Variants in CNST observed in about 807,000 individuals in gnomAD.
CNST encodes the protein consortin.
Under a neutral mutation model 72.4 loss-of-function variants are expected in CNST, and 39 were observed. That is an observed-to-expected ratio of 0.54 (90% CI 0.42 to 0.70). CNST has a LOEUF of 0.70. Ranked by LOEUF, CNST falls within the 30% of genes least tolerant of loss-of-function variation. The probability of loss-of-function intolerance (pLI) is 0.00; values close to 1 mark genes in which losing one functional copy is unlikely to be tolerated. For missense variants in CNST, 871 were observed against 868.5 expected, an observed-to-expected ratio of 1.00 and a Z score of -0.04; for synonymous variants, 332 against 320.1, an observed-to-expected ratio of 1.04 and a Z score of -0.40.
chr1:246,637,591 A>G (rs1420485480), intron 6 of CNST, among the ~76,000 whole-genome samples: 1 of 152,192 alleles, frequency 6.6e-6, no homozygotes, highest in Non-Finnish European at 1.5e-5. Context: ...TTTCTCATCC[A>G]CGACTGGTGG....
intron 1 of CNST, chr1:246,570,029 A>G (rs1572102244): frequency 4.6e-6 from 2 of 435,922 alleles, no homozygotes; most frequent in Non-Finnish European, 6.1e-6. Context: ...TCTTTATATC[A>G]TGGTGTTTCT....
At chr1:246,629,474 C>A (rs910719579) in intron 3 of CNST, among the ~76,000 whole-genome samples, 1 of 152,152 alleles carries the variant, frequency 6.6e-6, no homozygotes, top group African/African-American at 2.4e-5. Flanking sequence ...GCTACAGAAG[C>A]CTGCAAGCTA....
At chr1:246,658,279 A>C (rs998730403) in intron 9 of CNST, among the ~76,000 whole-genome samples, 1 of 151,912 alleles carries the variant, frequency 6.6e-6, no homozygotes, top group African/African-American at 2.4e-5. Flanking sequence ...TTTCCCTCTC[A>C]GTGTCAGCAA....
At chr1:246,638,399 C>T (rs945375614) in intron 6 of CNST, among the ~76,000 whole-genome samples, 55 of 152,252 alleles carry the variant, frequency 3.6e-4, no homozygotes, top group African/African-American at 9.6e-4. Flanking sequence ...CAATGAATGA[C>T]GGCAGCTTTC....
chr1:246,668,279 TTCC>T lies in CNST; in HGVS notation c.*2376_*2378del, dbSNP rs1288504780. 1.3e-5 allele frequency: 2 copies of T among 152,230 alleles called. No homozygotes were observed. The highest frequency in any genetic ancestry group is 2.9e-5 in the Non-Finnish European group (2 of 68,040). 9.4% of individuals were successfully genotyped at this position (152,230 alleles called of 1,614,324 possible). A position where few individuals can be genotyped will look rare whatever the true frequency, so the allele number is the denominator to read the frequency against. On this transcript the variant is annotated 3_prime_UTR_variant, in exon 11 of 11. Coordinates refer to ENST00000366513, the MANE Select transcript of CNST (RefSeq NM_152609.3). ...TACTGACAACTATTTGTAACTAATCTTCCTTAAGAACTGTATTTGAGGGTATCA... is the reference window on the plus strand; with the variant it reads ...TACTGACAACTATTTGTAACTAATCTTTAAGAACTGTATTTGAGGGTATCA...
At chr1:246,571,906 A>G (rs1024844342) in intron 1 of CNST, among the ~76,000 whole-genome samples, 1 of 152,226 alleles carries the variant, frequency 6.6e-6, no homozygotes, top group African/African-American at 2.4e-5. Context: ...TGGCATATGT[A>G]TTAAATTTTC....
chr1:246,574,409 T>C (rs1660260735), intron 1 of CNST, among the ~76,000 whole-genome samples: 2 of 152,178 alleles, frequency 1.3e-5, no homozygotes, highest in African/African-American at 2.4e-5. Flanking sequence ...CAAAAATTCG[T>C]GTTTTTTCTT....
At chr1:246,649,159 T>G (rs1007193946) in intron 9 of CNST, among the ~76,000 whole-genome samples, 6 of 89,634 alleles carry the variant, frequency 6.7e-5, no homozygotes, top group Admixed American at 3.7e-4. Flanking sequence ...GACTGTTGTT[T>G]TGTTTTTTTT....
Position 246,607,377 on chromosome 1 carries a change from T to C in CNST, c.380-14052T>C, listed in dbSNP as rs189187717. ...GCCCTCTCCTAGATCTACAAACCGG[T>C]TTTTTCCTGGCTAGGGAGGGGATAC... is the stretch of plus-strand genomic sequence containing the variant. On this transcript the variant is annotated intron_variant, in intron 2 of 10. Transcript: ENST00000366513. 7.9e-5 allele frequency: 12 copies of C among 152,022 alleles called. No individual in the cohort carries two copies. The East Asian group carries it at 1.4e-3, about 17-fold the overall frequency. 9.4% of individuals were successfully genotyped at this position (152,022 alleles called of 1,614,324 possible). A position where few individuals can be genotyped will look rare whatever the true frequency, so the allele number is the denominator to read the frequency against.
chr1:246,637,462 C>T (rs1197857687), intron 6 of CNST, among the ~76,000 whole-genome samples: 1 of 152,226 alleles, frequency 6.6e-6, no homozygotes, highest in East Asian at 1.9e-4. Context: ...CCGAGTGGCT[C>T]AGAGTCTGGT....
intron 9 of CNST, among the ~76,000 whole-genome samples, chr1:246,653,967 A>G (rs1000463948): frequency 1.3e-5 from 2 of 152,224 alleles, no homozygotes; most frequent in Non-Finnish European, 2.9e-5. Flanking sequence ...CTGGAAGTAT[A>G]CAGCTTTTTT....
chr1:246,613,392 G>T (rs1450022866), intron 2 of CNST, among the ~76,000 whole-genome samples: 1 of 152,146 alleles, frequency 6.6e-6, no homozygotes, highest in East Asian at 1.9e-4. Flanking sequence ...TCAGAGAAAA[G>T]GTGGATGGTT....
intron 2 of CNST, among the ~76,000 whole-genome samples, chr1:246,608,758 T>G (rs1157321599): frequency 1.3e-5 from 2 of 152,184 alleles, no homozygotes; most frequent in Non-Finnish European, 2.9e-5. Context: ...CACTGGAGTT[T>G]CATGAGGTTC....
chr1:246,636,516 G>C (rs947928057), intron 6 of CNST, among the ~76,000 whole-genome samples: 1 of 152,210 alleles, frequency 6.6e-6, no homozygotes. Flanking sequence ...TTCCTGGCTA[G>C]GGAGGGGATA....
intron 1 of CNST, among the ~76,000 whole-genome samples, chr1:246,578,765 T>C (rs915558226): frequency 3.3e-5 from 5 of 152,168 alleles, no homozygotes; most frequent in Admixed American, 6.5e-5. Flanking sequence ...TCCTAACTTA[T>C]CAAACTCTTC....
At position 246,647,193 on chromosome 1, in the gene CNST, A is replaced by G; in HGVS notation, c.992A>G (p.Glu331Gly). 1.2e-6 allele frequency: 2 copies of G among 1,614,136 alleles called. No individual in the cohort carries two copies. The highest frequency in any genetic ancestry group is 1.7e-6 in the Non-Finnish European group (2 of 1,180,018). The change falls in exon 9 of 11, where the codon GAG becomes GGG. Residue 331 changes from glutamate (E) to glycine (G), a missense_variant. Physicochemically the swap from Glu to Gly is moderately conservative, Grantham distance 98 (BLOSUM62 -2). Coordinates refer to ENST00000366513, the MANE Select transcript of CNST (RefSeq NM_152609.3). ...ESSKESQHTV[E>G]PLGSSPCCHQ... ...AGTAAAGAAAGCCAACATACAGTGG[A>G]GCCCCTGGGGAGCAGTCCCTGCTGT...
At chr1:246,659,423 T>G (rs1666956719) in intron 9 of CNST, among the ~76,000 whole-genome samples, 1 of 152,054 alleles carries the variant, frequency 6.6e-6, no homozygotes, top group Admixed American at 6.5e-5. Flanking sequence ...TGAAACCCCG[T>G]CTCTACTGAA....
intron 9 of CNST, among the ~76,000 whole-genome samples, chr1:246,650,229 C>G (rs144772352): frequency 1.1e-3 from 175 of 152,294 alleles, no homozygotes; most frequent in African/African-American, 4.0e-3. Flanking sequence ...TGCTGGGTAA[C>G]AGCTAACAGT....
chr1:246,613,446 G>A (rs952886781), intron 2 of CNST, among the ~76,000 whole-genome samples: 4 of 151,950 alleles, frequency 2.6e-5, no homozygotes, highest in African/African-American at 7.2e-5. Context: ...TTCAGTAATC[G>A]TCTCTGAATA....
Sources: gnomAD v4.1 joint callset for allele counts (sites outside exome capture counted in the v4.1 genomes callset) on GRCh38, gnomAD v4.1.1 for gene constraint, MANE v1.5 for transcripts, NCBI Gene and HGNC (gene_info 2026-07-23, HGNC 2026-07-21) for gene names.